The following RAB11FIP1 variants were observed in gnomAD, a reference collection of about 807,000 sequenced individuals.
RAB11FIP1 encodes rab11 family-interacting protein 1.
RAB11FIP1 carries 49 observed loss-of-function variants against 83.1 expected under a neutral mutation model. That is an observed-to-expected ratio of 0.59 (90% CI 0.47 to 0.75). The LOEUF is 0.75. Ranked by LOEUF, RAB11FIP1 falls within the 30% of genes least tolerant of loss-of-function variation. The pLI, the probability that RAB11FIP1 is intolerant of heterozygous loss-of-function variation, is 0.00. For synonymous variants in RAB11FIP1, 670 were observed against 656.0 expected, an observed-to-expected ratio of 1.02 and a Z score of -0.33; for missense variants, 1,536 against 1,598.7, an observed-to-expected ratio of 0.96 and a Z score of 0.67.
intron 1 of RAB11FIP1, among the ~76,000 whole-genome samples, chr8:37,895,879 G>GAC (rs1477489489): frequency 2.6e-5 from 4 of 152,138 alleles, no homozygotes; most frequent in African/African-American, 9.6e-5. Context: ...GACAGACAGA[G>GAC]AGACACACAC....
intron 5 of RAB11FIP1, among the ~76,000 whole-genome samples, chr8:37,865,849 G>A (rs560122872): frequency 2.9e-4 from 44 of 152,004 alleles, no homozygotes; most frequent in Non-Finnish European, 5.0e-4. Context: ...CAAAATGCAC[G>A]AACATAAATC....
chr8:37,862,816 C>G lies in RAB11FIP1; in HGVS notation c.*79G>C. 8.8e-7 allele frequency: 1 copy of G among 1,130,404 alleles called. No homozygotes were observed. Among genetic ancestry groups the G allele is most frequent in the Non-Finnish European group, 1.3e-6 (1 of 776,660 alleles). 70.0% of individuals were successfully genotyped at this position (1,130,404 alleles called of 1,614,324 possible). ...GATTCGGAGCCTGCTGGCTGGTTAT[C>G]AGGCAAGGCAAGTCCTTGACCCCTG... On this transcript the variant is annotated 3_prime_UTR_variant, in exon 6 of 6. Coordinates refer to ENST00000330843, the MANE Select transcript of RAB11FIP1 (RefSeq NM_001002814.3).
intron 1 of RAB11FIP1, among the ~76,000 whole-genome samples, chr8:37,886,883 C>T (rs982680973): frequency 1.3e-5 from 2 of 152,194 alleles, no homozygotes; most frequent in African/African-American, 2.4e-5. Context: ...ATGGGTAAAA[C>T]GTCCAGTCTC....
chr8:37,864,207 G>A (rs114324658), intron 5 of RAB11FIP1, among the ~76,000 whole-genome samples: 1 of 152,244 alleles, frequency 6.6e-6, no homozygotes, highest in African/African-American at 2.4e-5. Flanking sequence ...CTCCCGAGGA[G>A]AGCACACACC....
At chr8:37,885,631 G>C (rs1045485432) in intron 1 of RAB11FIP1, among the ~76,000 whole-genome samples, 2 of 152,152 alleles carry the variant, frequency 1.3e-5, no homozygotes, top group Non-Finnish European at 2.9e-5. Flanking sequence ...TTTATGAAGA[G>C]AAATAAGGGA....
At chr8:37,888,470 T>TAA (rs552561572) in intron 1 of RAB11FIP1, among the ~76,000 whole-genome samples, 1 of 147,866 alleles carries the variant, frequency 6.8e-6, no homozygotes, top group African/African-American at 2.5e-5. Flanking sequence ...GTACTTTCTT[T>TAA]AAAAAAAAAA....
In RAB11FIP1 at chr8:37,874,882, C is replaced by T. The variant is rs762366070; in HGVS notation, c.1255G>A (p.Ala419Thr). 10 of 1,614,140 alleles carry T rather than the reference C, an allele frequency of 6.2e-6. No homozygotes were observed. In the Admixed American group the frequency reaches 1.3e-4, roughly 22 times the overall value. Residue 419 changes from alanine to threonine, a missense_variant, in exon 3 of 6, where the codon GCC (alanine) becomes ACC (threonine). By Grantham distance (58) the Ala-to-Thr change is moderately conservative. Transcript: ENST00000330843. ...TTGCTCTCCTTAGCTTCTTTTGTGG[C>T]CTCTGAGTTTGCGGGGGCCATGTTT... ...RENMAPANSE[A>T]TKEAKESKKP...
At position 37,872,877 on chromosome 8, in the gene RAB11FIP1, G is replaced by A. The variant is rs1806509460; in HGVS notation, c.1925C>T (p.Thr642Ile). Reference sequence around the variant, plus strand: ...AGAAGAACCAGAATTTGGAACCGGTGTTAAACTCTCAGTTTGCAACTCTGC... The same window carrying A: ...AGAAGAACCAGAATTTGGAACCGGTATTAAACTCTCAGTTTGCAACTCTGC... ...PKAELQTESL[T>I]PVPNSGSSAL... The change falls in exon 4 of 6, where the codon ACA (threonine) becomes ATA (isoleucine). Residue 642 changes from threonine (T) to isoleucine (I), a missense_variant. Thr to Ile is a moderately conservative substitution (Grantham distance 89). Transcript: ENST00000330843. The A allele has an allele frequency of 6.2e-7, 1 of 1,614,196 alleles. No individual in the cohort carries two copies. Among genetic ancestry groups the A allele is most frequent in the Non-Finnish European group, 8.5e-7 (1 of 1,180,022 alleles).
At chr8:37,894,278 T>C (rs1339090597) in intron 1 of RAB11FIP1, among the ~76,000 whole-genome samples, 1 of 152,246 alleles carries the variant, frequency 6.6e-6, no homozygotes, top group Non-Finnish European at 1.5e-5. Context: ...TGGACCTCTG[T>C]GGTCATCTAT....
chr8:37,862,839 CT>C lies in RAB11FIP1; in HGVS notation c.*55del. 1 of 1,440,184 alleles carries C rather than the reference CT, an allele frequency of 6.9e-7. No homozygotes were observed. 89.2% of individuals were successfully genotyped at this position (1,440,184 alleles called of 1,614,324 possible). ...ATCAGGCAAGGCAAGTCCTTGACCC[CT>C]GGAGCAGGTGAAAGTGAAGTCACAG... On this transcript the variant is annotated 3_prime_UTR_variant, in exon 6 of 6. Coordinates refer to ENST00000330843, the MANE Select transcript of RAB11FIP1 (RefSeq NM_001002814.3).
rs774759957 is a variant in RAB11FIP1, at chr8:37,875,108, G to A, written c.1029C>T (p.Ser343=). ...GEIKDSSPSS[S]PSPKGFRKKH... The stretch of plus-strand genomic sequence containing the variant: ...TCTTTCTGAAGCCCTTGGGGGATGG[G>A]GAGGAGGACGGGCTGCTATCCTTGA... The change falls in exon 3 of 6, where the codon TCC becomes TCT. Residue 343 remains serine, a synonymous_variant. Transcript: ENST00000330843. 63 of 1,614,008 alleles carry A rather than the reference G, an allele frequency of 3.9e-5. No homozygotes were observed. Among genetic ancestry groups the A allele is most frequent in the Non-Finnish European group, 5.1e-5 (60 of 1,180,004 alleles).
intron 5 of RAB11FIP1, among the ~76,000 whole-genome samples, chr8:37,868,200 T>A (rs935971693): frequency 5.9e-5 from 9 of 152,082 alleles, no homozygotes; most frequent in African/African-American, 2.2e-4. Context: ...GGCGGGTGGA[T>A]CACCTGAGGT....
Position 37,877,292 on chromosome 8 carries a change from T to G in RAB11FIP1, c.631A>C (p.Lys211Gln). 6.2e-7 allele frequency: 1 copy of G among 1,614,224 alleles called. No individual in the cohort carries two copies. The highest frequency in any genetic ancestry group is 8.5e-7 in the Non-Finnish European group (1 of 1,180,030). ...DSDDESVVKD[K>Q]KKKSKIKTLL... is the part of the protein sequence containing the mutation. The stretch of plus-strand genomic sequence containing the variant: ...GTCTTGATCTTTGATTTCTTTTTCT[T>G]GTCTTTAACCACAGACTCATCATCA... The change falls in exon 2 of 6, where the codon AAG becomes CAG. Residue 211 changes from lysine (K) to glutamine (Q), a missense_variant. Coordinates refer to ENST00000330843, the MANE Select transcript of RAB11FIP1 (RefSeq NM_001002814.3).
intron 1 of RAB11FIP1, among the ~76,000 whole-genome samples, chr8:37,890,773 CAAAA>C (rs35503716): frequency 1.3e-5 from 1 of 77,804 alleles, no homozygotes; most frequent in African/African-American, 4.6e-5. Flanking sequence ...AAAATTCTGC[CAAAA>C]AAAAAAAAAA....
chr8:37,880,454 A>G (rs1466043097), intron 1 of RAB11FIP1, among the ~76,000 whole-genome samples: 4 of 152,010 alleles, frequency 2.6e-5, no homozygotes, highest in African/African-American at 9.7e-5. Context: ...ATATGCCACA[A>G]TGCCCAGCTA....
rs117530205 is a variant in RAB11FIP1, at chr8:37,876,129, A to C, written c.815-807T>G. Among the ~76,000 whole-genome samples, 342 of 152,114 alleles carry C rather than the reference A, an allele frequency of 2.2e-3. 12 individuals carry two copies. In the East Asian group the frequency reaches 0.047, roughly 21 times the overall value. Reference sequence around the variant, plus strand: ...AGAATTGCTTAAACCCAGGAGGCGGAAGTTGCAAAGAGCCAAGATCGCACC... The same window carrying C: ...AGAATTGCTTAAACCCAGGAGGCGGCAGTTGCAAAGAGCCAAGATCGCACC... On this transcript the variant is annotated intron_variant, in intron 2 of 5. Coordinates refer to ENST00000330843, the MANE Select transcript of RAB11FIP1 (RefSeq NM_001002814.3).
chr8:37,873,475 G>A (rs1163281048), intron 3 of RAB11FIP1, among the ~76,000 whole-genome samples: 1 of 152,070 alleles, frequency 6.6e-6, no homozygotes, highest in African/African-American at 2.4e-5. Context: ...GTGTGGTGGT[G>A]TGCACCTGTA....
chr8:37,896,470 G>A (rs902934484), intron 1 of RAB11FIP1, among the ~76,000 whole-genome samples: 2 of 152,006 alleles, frequency 1.3e-5, no homozygotes, highest in Admixed American at 1.3e-4. Context: ...ATGCAAAGAA[G>A]CCTTCCTTTG....
intron 1 of RAB11FIP1, among the ~76,000 whole-genome samples, chr8:37,881,776 AG>A (rs1806737238): frequency 1.3e-5 from 2 of 152,114 alleles, no homozygotes; most frequent in Admixed American, 1.3e-4. Context: ...AGCTCACTGC[AG>A]CCCTGGACTC....
Sources: gnomAD v4.1 joint callset for allele counts (sites outside exome capture counted in the v4.1 genomes callset) on GRCh38, gnomAD v4.1.1 for gene constraint, MANE v1.5 for transcripts, NCBI Gene and HGNC (gene_info 2026-07-23, HGNC 2026-07-21) for gene names.